Variants in CPED1 observed in about 807,000 individuals in gnomAD.
CPED1 encodes the protein cadherin-like and PC-esterase domain-containing protein 1.
A neutral mutation model predicts 128.2 loss-of-function variants in CPED1; 114 were observed. The ratio of observed to expected loss-of-function variants is 0.89; its 90% confidence interval spans 0.76 to 1.04. The LOEUF is 1.04. Among genes scored for constraint, CPED1 ranks in the 50% least tolerant of loss-of-function variants. The pLI, the probability that CPED1 is intolerant of heterozygous loss-of-function variation, is 0.00. For synonymous variants in CPED1, 462 were observed against 426.7 expected, an observed-to-expected ratio of 1.08 and a Z score of -1.02; for missense variants, 1,211 against 1,207.1, an observed-to-expected ratio of 1.00 and a Z score of -0.05.
intron 18 of CPED1, among the ~76,000 whole-genome samples, chr7:121,254,920 A>AC (rs1798768631): frequency 6.6e-6 from 1 of 151,150 alleles, no homozygotes; most frequent in Non-Finnish European, 1.5e-5. Flanking sequence ...AAAAAAAAAA[A>AC]CATACCAATC....
chr7:121,216,252 C>T (rs1000370290), intron 16 of CPED1, among the ~76,000 whole-genome samples: 1 of 140,366 alleles, frequency 7.1e-6, no homozygotes. Flanking sequence ...GTCTTGTGTG[C>T]GTGGCTTCCA....
At chr7:121,205,273 A>G (rs572656907) in intron 16 of CPED1, among the ~76,000 whole-genome samples, 15 of 152,210 alleles carry the variant, frequency 9.9e-5, no homozygotes, top group East Asian at 1.9e-4. Context: ...CTTTTTTACA[A>G]TGTGGGATTT....
intron 16 of CPED1, among the ~76,000 whole-genome samples, chr7:121,143,676 T>C (rs1795955029): frequency 6.6e-6 from 1 of 152,054 alleles, no homozygotes; most frequent in Non-Finnish European, 1.5e-5. Flanking sequence ...AACTAAATAT[T>C]CTTACCCTTT....
At chr7:121,205,672 T>C (rs1036972162) in intron 16 of CPED1, among the ~76,000 whole-genome samples, 3 of 152,022 alleles carry the variant, frequency 2.0e-5, no homozygotes, top group African/African-American at 2.4e-5. Context: ...TGAATTTTCT[T>C]GAAACTCTCA....
intron 16 of CPED1, among the ~76,000 whole-genome samples, chr7:121,154,152 G>C (rs756084747): frequency 6.6e-6 from 1 of 152,212 alleles, no homozygotes; most frequent in African/African-American, 2.4e-5. Flanking sequence ...TTATTGCAGT[G>C]AGCTCAAGTG....
chr7:121,285,677 C>G (rs970901822), intron 22 of CPED1, among the ~76,000 whole-genome samples: 1 of 152,200 alleles, frequency 6.6e-6, no homozygotes, highest in African/African-American at 2.4e-5. Context: ...TCATCTCCCT[C>G]TGAGACCACC....
chr7:121,220,614 A>G (rs1368011833), intron 16 of CPED1, among the ~76,000 whole-genome samples: 1 of 152,054 alleles, frequency 6.6e-6, no homozygotes, highest in Non-Finnish European at 1.5e-5. Context: ...TCAAAGAGCT[A>G]TCAGTTCTCT....
chr7:121,045,670 G>A (rs1793177452), intron 3 of CPED1, among the ~76,000 whole-genome samples: 2 of 152,054 alleles, frequency 1.3e-5, no homozygotes, highest in Admixed American at 1.3e-4. Context: ...GGTGAGGTCT[G>A]GCATAAATAA....
At chr7:121,014,968 G>T (rs1003008808) in intron 2 of CPED1, among the ~76,000 whole-genome samples, 1 of 152,026 alleles carries the variant, frequency 6.6e-6, no homozygotes, top group Non-Finnish European at 1.5e-5. Flanking sequence ...CTTTTTCCTT[G>T]TCAATTCAAA....
At chr7:121,064,360 G>A in intron 5 of CPED1, 47 bp downstream of exon 5, 1 of 1,328,974 alleles carries the variant, frequency 7.5e-7, no homozygotes, top group Non-Finnish European at 1.1e-6. Flanking sequence ...GAGATATGCA[G>A]GCTCCCTTAG....
chr7:121,047,286 C>T (rs1793224700), intron 4 of CPED1, among the ~76,000 whole-genome samples: 1 of 152,144 alleles, frequency 6.6e-6, no homozygotes, highest in African/African-American at 2.4e-5. Flanking sequence ...CACTTGTTCA[C>T]CGAAGTGGTA....
intron 2 of CPED1, among the ~76,000 whole-genome samples, chr7:121,005,121 A>T (rs1177754105): frequency 6.6e-6 from 1 of 152,184 alleles, no homozygotes; most frequent in Non-Finnish European, 1.5e-5. Context: ...ATATGATTAA[A>T]TTTTAAAGGC....
chr7:121,161,643 CAGAATT>C (rs1219056425), intron 16 of CPED1, among the ~76,000 whole-genome samples: 1 of 152,184 alleles, frequency 6.6e-6, no homozygotes, highest in Non-Finnish European at 1.5e-5. Context: ...AGAGCTATCT[CAGAATT>C]AGACCTGTCA....
intron 18 of CPED1, among the ~76,000 whole-genome samples, chr7:121,251,856 A>AGT (rs1798680118): frequency 6.7e-6 from 1 of 150,128 alleles, no homozygotes; most frequent in Non-Finnish European, 1.5e-5. Context: ...CATGGGTAGG[A>AGT]AGAATCAATA....
At chr7:121,075,623 C>T (rs1001451557) in intron 5 of CPED1, among the ~76,000 whole-genome samples, 7 of 151,900 alleles carry the variant, frequency 4.6e-5, no homozygotes, top group Admixed American at 1.3e-4. Flanking sequence ...CTGCCATGCC[C>T]GGCTAATTTT....
chr7:121,099,948 C>T lies in CPED1; in HGVS notation c.772C>T (p.Pro258Ser), dbSNP rs374401699. The T allele has an allele frequency of 2.5e-6, 4 of 1,612,828 alleles. No individual in the cohort carries two copies. In the African/African-American group the frequency reaches 5.4e-5, roughly 22 times the overall value. The part of the protein sequence containing the change: ...EQLNETTVLA[P>S]HETIFRAEDL... ...TAGGAATGAAACGACAGTCCTTGCTCCACATGAAACAATCTTTCGAGCCGA... is the reference window on the plus strand; with the variant it reads ...TAGGAATGAAACGACAGTCCTTGCTTCACATGAAACAATCTTTCGAGCCGA... The change falls in exon 7 of 23, where the codon CCA becomes TCA. Residue 258 changes from proline (P) to serine (S), a missense_variant. Transcript: ENST00000310396.
rs903117747 is a variant in CPED1, at chr7:121,076,992, G to A, written c.616+12679G>A. Among the ~76,000 whole-genome samples the A allele has an allele frequency of 2.0e-4, 30 of 152,048 alleles. 1 individual carries two copies. Among genetic ancestry groups the A allele is most frequent in the Non-Finnish European group, 1.9e-4 (13 of 67,984 alleles). ...AGAAATAGAATGACTGTGATAAAGG[G>A]TAGGATCCTCTGCCCTGTATCCTCC... On this transcript the variant is annotated intron_variant, in intron 5 of 22. Coordinates refer to ENST00000310396, the MANE Select transcript of CPED1 (RefSeq NM_024913.5).
At chr7:121,258,666 C>T (rs1211822143) in intron 18 of CPED1, among the ~76,000 whole-genome samples, 1 of 152,046 alleles carries the variant, frequency 6.6e-6, no homozygotes, top group Admixed American at 6.6e-5. Flanking sequence ...TGAGAAGGCA[C>T]TAGAGAAGAT....
chr7:121,212,471 C>A (rs1158461248), intron 16 of CPED1, among the ~76,000 whole-genome samples: 2 of 152,060 alleles, frequency 1.3e-5, no homozygotes, highest in Admixed American at 6.6e-5. Context: ...CTCCTATCCT[C>A]CTGGTGAACT....
Sources: allele counts gnomAD v4.1 joint callset (sites outside exome capture counted in the v4.1 genomes callset), GRCh38; gene constraint gnomAD v4.1.1; transcripts MANE v1.5; gene names NCBI Gene and HGNC (gene_info 2026-07-23, HGNC 2026-07-21).